Variants in SNX31 observed in about 807,000 individuals in gnomAD.
SNX31 encodes the protein sorting nexin 31.
A neutral mutation model predicts 65.4 loss-of-function variants in SNX31; 58 were observed. That is an observed-to-expected ratio of 0.89 (90% CI 0.72 to 1.10). SNX31 has a LOEUF of 1.10. Among genes scored for constraint, SNX31 ranks in the 50% least tolerant of loss-of-function variants. SNX31 has a pLI of 0.00. For missense variants in SNX31, 523 were observed against 529.7 expected (o/e 0.99, Z 0.12); for synonymous variants, 181 against 190.1 (o/e 0.95, Z 0.39).
Position 100,588,850 on chromosome 8 carries a change from T to C in SNX31, c.1092+16A>G. 6.3e-7 allele frequency: 1 copy of C among 1,582,868 alleles called. No individual in the cohort carries two copies. Among genetic ancestry groups the C allele is most frequent in the Non-Finnish European group, 8.7e-7 (1 of 1,152,008 alleles). ...TTCAGCACAGAGGGTGTTCAAGGTC[T>C]GCCCTGAGAACTCACCTGTTTGGTG... On this transcript the variant is annotated intron_variant, in intron 11 of 13. Coordinates refer to ENST00000311812, the MANE Select transcript of SNX31 (RefSeq NM_152628.4). This position sits in a 1 kb window ranked among gnomAD's most constrained non-coding sequence, Gnocchi z 4.8.
intron 2 of SNX31, among the ~76,000 whole-genome samples, chr8:100,639,315 G>GA (rs570681427): frequency 6.6e-6 from 1 of 152,120 alleles, no homozygotes; most frequent in Non-Finnish European, 1.5e-5. Context: ...AACGTGGTGA[G>GA]AAAAAAAGTG....
At chr8:100,645,555 G>A (rs1819564966) in intron 2 of SNX31, among the ~76,000 whole-genome samples, 1 of 151,834 alleles carries the variant, frequency 6.6e-6, no homozygotes, top group Non-Finnish European at 1.5e-5. Context: ...ATTTAATTGG[G>A]AGACTTTGTA....
rs1312768840 is a variant in SNX31 at position 100,608,497 on chromosome 8, CA to C, written c.677del (p.Met226SerfsTer22). The C allele has an allele frequency of 6.2e-7, 1 of 1,613,910 alleles. No individual in the cohort carries two copies. Among genetic ancestry groups the C allele is most frequent in the Non-Finnish European group, 8.5e-7 (1 of 1,179,950 alleles). On this transcript the variant is annotated frameshift_variant, in exon 8 of 14. Transcript: ENST00000311812. LOFTEE classifies it high-confidence loss of function. Reference sequence around the variant, plus strand: ...CTGAGCTCTTGGTGACCCTCACCTGCATGTAGAGCAAATCTACCGCCACCCT... The same window carrying C: ...CTGAGCTCTTGGTGACCCTCACCTGCTGTAGAGCAAATCTACCGCCACCCT... ...DCRVAVDLLY[M>X]QAIQDIEKGW...
Position 100,576,913 on chromosome 8 carries a change from A to G in SNX31, c.1227+106T>C, listed in dbSNP as rs1308131748. On this transcript the variant is annotated intron_variant, in intron 13 of 13. Transcript: ENST00000311812. The surrounding 1 kb of genome is among the most constrained non-coding windows in gnomAD (Gnocchi z 4.8). ...CTACAAAGAGGAGCTTCTGAGAAAC[A>G]TAATTCTGACTTATTATTGAAAGTG... 9.6e-6 allele frequency: 9 copies of G among 940,508 alleles called. No homozygotes were observed. In the South Asian group the frequency reaches 9.7e-5, roughly 10 times the overall value. 58.3% of individuals were successfully genotyped at this position (940,508 alleles called of 1,614,324 possible). A position where few individuals can be genotyped will look rare whatever the true frequency, so the allele number is the denominator to read the frequency against.
At chr8:100,657,825 C>T (rs1172501884) in intron 1 of SNX31, 7 of 453,982 alleles carry the variant, frequency 1.5e-5, no homozygotes, top group East Asian at 7.0e-5. Flanking sequence ...AAGCCAAGAT[C>T]GCCCCACTGC....
At position 100,577,125 on chromosome 8, in the gene SNX31, CACAA is replaced by C. The variant is rs779042819; in HGVS notation, c.1171-54_1171-51del. The C allele has an allele frequency of 3.8e-5, 56 of 1,471,068 alleles. No individual in the cohort carries two copies. In the Middle Eastern group the frequency reaches 8.7e-4, roughly 23 times the overall value. The allele number at this position is 1,471,068 out of a possible 1,614,324, so 91.1% of individuals were successfully genotyped here. ...TCAGCTCAGCCCAGAGAAGCAAGCA[CACAA>C]ACAATCTATTTAACTAGCACACTTT... On this transcript the variant is annotated intron_variant, in intron 12 of 13. Coordinates refer to ENST00000311812, the MANE Select transcript of SNX31 (RefSeq NM_152628.4).
chr8:100,607,524 G>C (rs1563541997), intron 8 of SNX31, among the ~76,000 whole-genome samples: 1 of 152,154 alleles, frequency 6.6e-6, no homozygotes, highest in African/African-American at 2.4e-5. Context: ...AAATGAAAAT[G>C]TTGTTCAAAA....
intron 2 of SNX31, among the ~76,000 whole-genome samples, chr8:100,637,643 G>A (rs968667175): frequency 3.9e-5 from 6 of 152,046 alleles, no homozygotes; most frequent in South Asian, 2.1e-4. Flanking sequence ...GCTTCTACCC[G>A]TGACTCCTTC....
chr8:100,582,574 A>T (rs1378145643), intron 12 of SNX31: 1 of 152,354 alleles, frequency 6.6e-6, no homozygotes, highest in East Asian at 1.9e-4. Flanking sequence ...AAGAGAAATA[A>T]TTACAAAACA....
chr8:100,611,443 T>C (rs1816700644), intron 7 of SNX31, among the ~76,000 whole-genome samples: 1 of 152,176 alleles, frequency 6.6e-6, no homozygotes, highest in Non-Finnish European at 1.5e-5. Flanking sequence ...CTCATTTTCA[T>C]ACCCCACCCC....
rs1163250549 is a variant in SNX31, at chr8:100,589,933, G to A, written c.979-954C>T. On this transcript the variant is annotated intron_variant, in intron 10 of 13. Coordinates refer to ENST00000311812, the MANE Select transcript of SNX31 (RefSeq NM_152628.4). ...ACCAAATTTCAGGCCAAGTGGACAA[G>A]TAATTCTCTATGCTCCTCATGTTAT... is the stretch of plus-strand genomic sequence containing the variant. 2.6e-5 allele frequency among the ~76,000 whole-genome samples: 4 copies of A among 152,256 alleles called. No homozygotes were observed. The East Asian group carries it at 7.7e-4, about 29-fold the overall frequency.
At chr8:100,631,782 G>A (rs1298260130) in intron 3 of SNX31, among the ~76,000 whole-genome samples, 4 of 152,136 alleles carry the variant, frequency 2.6e-5, no homozygotes, top group Admixed American at 6.6e-5. Context: ...GGTAATTCCC[G>A]GAGTGGAGGA....
Position 100,646,303 on chromosome 8 carries a change from G to A in SNX31, c.141+2971C>T, listed in dbSNP as rs533099095. 2.0e-5 allele frequency among the ~76,000 whole-genome samples: 3 copies of A among 152,298 alleles called. No individual in the cohort carries two copies. In the East Asian group the frequency reaches 5.8e-4, roughly 29 times the overall value. Reference sequence around the variant, plus strand: ...AAAAACAGGTTATGGTGGCAAATCAGGTTATGGTGGCAAGACAGGTCACGG... The same window carrying A: ...AAAAACAGGTTATGGTGGCAAATCAAGTTATGGTGGCAAGACAGGTCACGG... On this transcript the variant is annotated intron_variant, in intron 2 of 13. Transcript: ENST00000311812.
rs1809766844 is a variant in SNX31, at chr8:100,660,630, G to A, written c.-58+2512C>T. Among the ~76,000 whole-genome samples, 1 of 152,166 alleles carries A rather than the reference G, an allele frequency of 6.6e-6. No individual in the cohort carries two copies. Among genetic ancestry groups the A allele is most frequent in the Non-Finnish European group, 1.5e-5 (1 of 68,038 alleles). ...CTGTAGGGGTCAAACTTGATGCCCA[G>A]AAAGTTCCTATATTCAGCCTTCCCC... is the stretch of plus-strand genomic sequence containing the variant. On this transcript the variant is annotated intron_variant, in intron 1 of 5. Coordinates refer to the SNX31 transcript ENST00000520352. This position sits in a 1 kb window ranked among gnomAD's most constrained non-coding sequence, Gnocchi z 4.1.
At chr8:100,618,432 C>A in intron 4 of SNX31, 1 of 888,466 alleles carries the variant, frequency 1.1e-6, no homozygotes, top group Non-Finnish European at 1.8e-6. Flanking sequence ...CATGTAGCAA[C>A]CAATTCTCCA....
In SNX31 at chr8:100,622,092, C is replaced by A. The variant is rs1041203767; in HGVS notation, c.322-4362G>T. 4.6e-5 allele frequency among the ~76,000 whole-genome samples: 7 copies of A among 152,194 alleles called. No individual in the cohort carries two copies. The highest frequency in any genetic ancestry group is 1.3e-4 in the Admixed American group (2 of 15,280). ...ATTTTGGCCTTGACAATGAAAATAACCTGACTAATCGGAAGTAGTTGAGTT... is the reference window on the plus strand; with the variant it reads ...ATTTTGGCCTTGACAATGAAAATAAACTGACTAATCGGAAGTAGTTGAGTT... On this transcript the variant is annotated intron_variant, in intron 4 of 13. Coordinates refer to ENST00000311812, the MANE Select transcript of SNX31 (RefSeq NM_152628.4). This position sits in a 1 kb window ranked among gnomAD's most constrained non-coding sequence, Gnocchi z 5.0.
chr8:100,655,554 A>G (rs991661563), intron 1 of SNX31, among the ~76,000 whole-genome samples: 4 of 152,208 alleles, frequency 2.6e-5, no homozygotes, highest in African/African-American at 9.7e-5. Context: ...GTCTGCCACC[A>G]TGTAAGAAGT....
chr8:100,658,661 T>C (rs546894465), intron 1 of SNX31, among the ~76,000 whole-genome samples: 1 of 152,280 alleles, frequency 6.6e-6, no homozygotes, highest in African/African-American at 2.4e-5. Flanking sequence ...GTTGCACAGC[T>C]GGTAAGTCCC....
rs1809767297 is a variant in SNX31, at chr8:100,660,662, A to G, written c.-58+2480T>C. ...CCTATATTCAGCCTTCCCCACTAAC[A>G]CTGGCCTGGCCTCTCCCAGCAGCCT... On this transcript the variant is annotated intron_variant, in intron 1 of 5. Coordinates refer to the SNX31 transcript ENST00000520352. This position sits in a 1 kb window ranked among gnomAD's most constrained non-coding sequence, Gnocchi z 4.1. Among the ~76,000 whole-genome samples, 2 of 152,110 alleles carry G rather than the reference A, an allele frequency of 1.3e-5. No homozygotes were observed. Among genetic ancestry groups the G allele is most frequent in the African/African-American group, 4.8e-5 (2 of 41,418 alleles).
Sources: gnomAD v4.1 joint callset for allele counts (sites outside exome capture counted in the v4.1 genomes callset) on GRCh38, gnomAD v4.1.1 for gene constraint, Gnocchi (gnomAD v3.1) non-coding constraint, MANE v1.5 for transcripts, NCBI Gene and HGNC (gene_info 2026-07-23, HGNC 2026-07-21) for gene names.